The following ZNF697 variants were observed in gnomAD, a reference collection of about 807,000 sequenced individuals.
The protein encoded by ZNF697 is zinc finger protein 697.
A neutral mutation model predicts 32.4 loss-of-function variants in ZNF697; 23 were observed. That is an observed-to-expected ratio of 0.71 (90% CI 0.51 to 1.01). ZNF697 has a LOEUF of 1.01. ZNF697 is among the 50% of genes least tolerant of loss of function. The pLI is 0.00. For missense variants in ZNF697, 930 were observed against 794.0 expected (o/e 1.17, Z -2.06); for synonymous variants, 418 against 337.2 (o/e 1.24, Z -2.62).
chr1:119,622,461 G>A lies in ZNF697; in HGVS notation c.*244C>T, dbSNP rs908357127. ...TTCACCCCCTACAGCGTGTATTTAA[G>A]GAAGTCATCACCCCAAGCGCATCTC... On this transcript the variant is annotated 3_prime_UTR_variant, in exon 3 of 3. Coordinates refer to ENST00000421812, the MANE Select transcript of ZNF697 (RefSeq NM_001080470.2). The A allele has an allele frequency of 1.6e-6, 1 of 643,490 alleles. No homozygotes were observed. Among genetic ancestry groups the A allele is most frequent in the Non-Finnish European group, 2.4e-6 (1 of 420,704 alleles). The allele number at this position is 643,490 out of a possible 1,614,324, so 39.9% of individuals were successfully genotyped here.
Position 119,622,715 on chromosome 1 carries a change from T to G in ZNF697, c.1628A>C (p.His543Pro). ...CCGCGGACCCAGCCCCTAACACAGG[T>G]GCAGCTTCTGGTGCTGCGCGAGGTG... ...KTHLAQHQKL[H>P]LC Residue 543 changes from histidine to proline, a missense_variant, in exon 3 of 3, where the codon CAC becomes CCC. His to Pro is a moderately conservative substitution (Grantham distance 77). Coordinates refer to ENST00000421812, the MANE Select transcript of ZNF697 (RefSeq NM_001080470.2). 2.0e-6 allele frequency: 3 copies of G among 1,533,772 alleles called. No individual in the cohort carries two copies. Among genetic ancestry groups the G allele is most frequent in the Non-Finnish European group, 2.6e-6 (3 of 1,137,298 alleles).
chr1:119,627,638 T>G (rs1463145266), intron 1 of ZNF697, among the ~76,000 whole-genome samples: 1 of 152,162 alleles, frequency 6.6e-6, no homozygotes, highest in African/African-American at 2.4e-5. Flanking sequence ...CATCACCATA[T>G]TAGACTCTTT....
chr1:119,630,943 A>C (rs1428482998), intron 1 of ZNF697, among the ~76,000 whole-genome samples: 2 of 152,160 alleles, frequency 1.3e-5, no homozygotes, highest in African/African-American at 4.8e-5. Context: ...GCAGAGCCAG[A>C]ATTAGAATTT....
rs1041236144 is a variant in ZNF697 at position 119,619,444 on chromosome 1, T to G, written c.*3261A>C. ...TGGTAAAAGACTGATATGGATTTAA[T>G]GACAAATATTCCATATTGGTTGCTG... On this transcript the variant is annotated 3_prime_UTR_variant, in exon 3 of 3. Transcript: ENST00000421812. 6.6e-6 allele frequency: 1 copy of G among 152,236 alleles called. No individual in the cohort carries two copies. Among genetic ancestry groups the G allele is most frequent in the African/African-American group, 2.4e-5 (1 of 41,456 alleles). 9.4% of individuals were successfully genotyped at this position (152,236 alleles called of 1,614,324 possible).
intron 2 of ZNF697, among the ~76,000 whole-genome samples, chr1:119,625,336 A>G (rs1298905833): frequency 6.6e-6 from 1 of 152,238 alleles, no homozygotes; most frequent in Non-Finnish European, 1.5e-5. Context: ...GTGGAGGCCC[A>G]GCATTCACTC....
At chr1:119,624,433 A>G (rs1648510950) in intron 2 of ZNF697, among the ~76,000 whole-genome samples, 1 of 152,218 alleles carries the variant, frequency 6.6e-6, no homozygotes, top group Non-Finnish European at 1.5e-5. Context: ...AGGATATTCA[A>G]GTCTGTGCCA....
chr1:119,642,339 G>C (rs1649098685), intron 1 of ZNF697, among the ~76,000 whole-genome samples: 1 of 152,164 alleles, frequency 6.6e-6, no homozygotes. Flanking sequence ...TACACCAAGA[G>C]TGAATCCTAA....
intron 1 of ZNF697, among the ~76,000 whole-genome samples, chr1:119,630,796 A>T (rs1470834443): frequency 8.5e-5 from 13 of 152,260 alleles, no homozygotes; most frequent in African/African-American, 2.9e-4. Context: ...CAGGAGTTCC[A>T]GGCTGCAGTG....
Position 119,625,015 on chromosome 1 carries a change from A to G in ZNF697, c.226+860T>C, listed in dbSNP as rs587718384. Among the ~76,000 whole-genome samples the G allele has an allele frequency of 6.0e-4, 91 of 151,818 alleles. 2 individuals are homozygous for G. The highest frequency in any genetic ancestry group is 1.3e-3 in the Non-Finnish European group (86 of 67,924). On this transcript the variant is annotated intron_variant, in intron 2 of 2. Transcript: ENST00000421812. ...GGGGGATAGTAGTGGGGAATAGAGA[A>G]AGAGATTACAGAGCCTAGAGCTGGT...
chr1:119,624,172 A>C (rs587666465), intron 2 of ZNF697, 56 bp from the exon 3 acceptor site: 2 of 1,499,576 alleles, frequency 1.3e-6, no homozygotes, highest in African/African-American at 2.8e-5. Context: ...TCAAAAGATA[A>C]GCCCAGAGGA....
Position 119,627,942 on chromosome 1 carries a change from T to C in ZNF697, c.-37-1805A>G, listed in dbSNP as rs1314738589. ...TTGCCTCTTTGGAGCTCAGACGCAA[T>C]GGACAAATACATCCCTTGAGTCTGC... On this transcript the variant is annotated intron_variant, in intron 1 of 2. Coordinates refer to ENST00000421812, the MANE Select transcript of ZNF697 (RefSeq NM_001080470.2). Among the ~76,000 whole-genome samples the C allele has an allele frequency of 2.0e-5, 3 of 151,942 alleles. No homozygotes were observed. In the East Asian group the frequency reaches 5.8e-4, roughly 29 times the overall value.
Position 119,623,024 on chromosome 1 carries a change from C to A in ZNF697, c.1319G>T (p.Arg440Leu). The A allele has an allele frequency of 6.3e-7, 1 of 1,588,990 alleles. No homozygotes were observed. Among genetic ancestry groups the A allele is most frequent in the Non-Finnish European group, 8.6e-7 (1 of 1,166,270 alleles). Residue 440 changes from arginine (R) to leucine (L), a missense_variant, in exon 3 of 3, where the codon CGC (arginine) becomes CTC (leucine). By Grantham distance (102) the Arg-to-Leu change is moderately radical. Transcript: ENST00000421812. ...THSGERPYVC[R>L]ECGKGFGRNS... is the part of the protein sequence containing the mutation. Reference sequence around the variant, plus strand: ...ACGCCCGAAGCCCTTCCCGCACTCGCGGCACACGTAGGGCCGCTCACCCGA... The same window carrying A: ...ACGCCCGAAGCCCTTCCCGCACTCGAGGCACACGTAGGGCCGCTCACCCGA...
At chr1:119,631,337 T>TGAGA (rs1470806310) in intron 1 of ZNF697, among the ~76,000 whole-genome samples, 1 of 152,182 alleles carries the variant, frequency 6.6e-6, no homozygotes, top group Non-Finnish European at 1.5e-5. Flanking sequence ...CTCCAGTAAC[T>TGAGA]GAGAGGTAAA....
Position 119,622,945 on chromosome 1 carries a change from G to A in ZNF697, c.1398C>T (p.Arg466=). The A allele has an allele frequency of 6.2e-7, 1 of 1,605,534 alleles. No homozygotes were observed. Among genetic ancestry groups the A allele is most frequent in the Non-Finnish European group, 8.5e-7 (1 of 1,175,674 alleles). ...LRVHTGEKPF[R]CGQCEKRFSD... ...TGAAGCGCTTCTCGCACTGGCCACA[G>A]CGGAAGGGCTTCTCGCCGGTGTGCA... Residue 466 remains arginine, a synonymous_variant, in exon 3 of 3, where the codon CGC becomes CGT. Transcript: ENST00000421812.
chr1:119,635,067 G>T (rs1648883567), intron 1 of ZNF697, among the ~76,000 whole-genome samples: 1 of 152,182 alleles, frequency 6.6e-6, no homozygotes. Flanking sequence ...GTTGAAGCTG[G>T]ATGGTGGTAT....
rs777026946 is a variant in ZNF697 at position 119,624,050 on chromosome 1, G to A, written c.293C>T (p.Ala98Val). Residue 98 changes from alanine (A) to valine (V), a missense_variant, in exon 3 of 3, where the codon GCT becomes GTT. Physicochemically the swap from Ala to Val is moderately conservative, Grantham distance 64. Coordinates refer to ENST00000421812, the MANE Select transcript of ZNF697 (RefSeq NM_001080470.2). ...RGEEDDQSGV[A>V]DMAMFPGLSE... ...CAGTCCTGGGAACATCGCCATGTCAGCTACACCGGATTGGTCATCCTCTTC... is the reference window on the plus strand; with the variant it reads ...CAGTCCTGGGAACATCGCCATGTCAACTACACCGGATTGGTCATCCTCTTC... The A allele has an allele frequency of 1.9e-6, 3 of 1,611,642 alleles. No homozygotes were observed. Among genetic ancestry groups the A allele is most frequent in the South Asian group, 1.1e-5 (1 of 90,676 alleles).
chr1:119,629,342 G>A (rs1158948194), intron 1 of ZNF697, among the ~76,000 whole-genome samples: 2 of 152,178 alleles, frequency 1.3e-5, no homozygotes, highest in Non-Finnish European at 2.9e-5. Flanking sequence ...AGACACCATG[G>A]TATAAAGTGT....
At chr1:119,628,073 CG>C (rs1378443949) in intron 1 of ZNF697, among the ~76,000 whole-genome samples, 1 of 75,964 alleles carries the variant, frequency 1.3e-5, no homozygotes, top group African/African-American at 5.7e-5. Flanking sequence ...GGGCGGGGGG[CG>C]GGGGGAGTTA....
chr1:119,644,746 C>T (rs961251984), intron 1 of ZNF697, among the ~76,000 whole-genome samples: 4 of 152,154 alleles, frequency 2.6e-5, no homozygotes, highest in African/African-American at 9.7e-5. Flanking sequence ...ATTGTAATCA[C>T]ATAAAAAGAA....
Sources: gnomAD v4.1 joint callset for allele counts (sites outside exome capture counted in the v4.1 genomes callset) on GRCh38, gnomAD v4.1.1 for gene constraint, MANE v1.5 for transcripts, NCBI Gene and HGNC (gene_info 2026-07-23, HGNC 2026-07-21) for gene names.